TTLL5: variants seen among roughly 807,000 people sequenced by gnomAD.
The protein encoded by TTLL5 is tubulin tyrosine ligase like 5, also known as tubulin polyglutamylase TTLL5.
In TTLL5, 132 loss-of-function variants were observed where a neutral mutation model predicts 168.4. The observed-to-expected ratio is 0.78, with a 90% CI of 0.68 to 0.91. The LOEUF (loss-of-function observed/expected upper bound fraction) is 0.91. TTLL5 is among the 40% of genes least tolerant of loss of function. The pLI is 0.00. For missense variants in TTLL5, 1,545 were observed against 1,581.5 expected, an observed-to-expected ratio of 0.98 and a Z score of 0.39; for synonymous variants, 546 against 558.6, an observed-to-expected ratio of 0.98 and a Z score of 0.32.
intron 31 of TTLL5, among the ~76,000 whole-genome samples, chr14:75,940,878 G>GT (rs751266180): frequency 1.3e-5 from 2 of 152,186 alleles, no homozygotes; most frequent in Non-Finnish European, 2.9e-5. Context: ...TCAGAAATGA[G>GT]TTATGTGCAT....
At chr14:75,830,933 A>G (rs1895526422) in intron 28 of TTLL5, among the ~76,000 whole-genome samples, 1 of 152,180 alleles carries the variant, frequency 6.6e-6, no homozygotes, top group Admixed American at 6.5e-5. Flanking sequence ...ATCTATTGGA[A>G]TCATGCTCCT....
intron 29 of TTLL5, among the ~76,000 whole-genome samples, chr14:75,868,014 C>A (rs1240689394): frequency 6.6e-6 from 1 of 152,276 alleles, no homozygotes; most frequent in East Asian, 1.9e-4. Context: ...GCTCTCCATG[C>A]TGGGGTCTGT....
intron 18 of TTLL5, among the ~76,000 whole-genome samples, chr14:75,760,745 C>G (rs564590004): frequency 1.3e-5 from 2 of 151,874 alleles, no homozygotes; most frequent in Non-Finnish European, 2.9e-5. Flanking sequence ...GAACCCCAAC[C>G]GCTGTTTCCC....
Position 75,732,563 on chromosome 14 carries a change from G to T in TTLL5, c.1124+144G>T, listed in dbSNP as rs1594941399. On this transcript the variant is annotated intron_variant, in intron 13 of 31. Coordinates refer to ENST00000298832, the MANE Select transcript of TTLL5 (RefSeq NM_015072.5). ...GAGATAACCAGACTTTCTTAAATCA[G>T]CTGGTTTATGGCATAATATCAAAGT... 6.0e-6 allele frequency: 4 copies of T among 663,380 alleles called. No homozygotes were observed. In the East Asian group the frequency reaches 8.4e-5, roughly 14 times the overall value. 41.1% of individuals were successfully genotyped at this position (663,380 alleles called of 1,614,324 possible). A position where few individuals can be genotyped will look rare whatever the true frequency, so the allele number is the denominator to read the frequency against.
intron 3 of TTLL5, among the ~76,000 whole-genome samples, chr14:75,675,869 A>C (rs1307195649): frequency 6.6e-6 from 1 of 152,190 alleles, no homozygotes; most frequent in African/African-American, 2.4e-5. Flanking sequence ...TGTTGTTATA[A>C]GGTTATTGGT....
intron 1 of TTLL5, among the ~76,000 whole-genome samples, chr14:75,661,860 C>T (rs1438056349): frequency 2.4e-4 from 37 of 151,592 alleles, no homozygotes; most frequent in Non-Finnish European, 1.5e-4. Context: ...TGATCATTAT[C>T]GGGGTCTGTT....
intron 29 of TTLL5, among the ~76,000 whole-genome samples, chr14:75,880,028 T>C (rs1341573576): frequency 6.6e-6 from 1 of 152,182 alleles, no homozygotes; most frequent in East Asian, 1.9e-4. Flanking sequence ...AAATGACATG[T>C]AGTAAAAAGT....
At chr14:75,695,449 T>A (rs1436249358) in intron 6 of TTLL5, among the ~76,000 whole-genome samples, 1 of 152,196 alleles carries the variant, frequency 6.6e-6, no homozygotes, top group African/African-American at 2.4e-5. Flanking sequence ...ATTTGCCTTG[T>A]GATATTTTAT....
intron 28 of TTLL5, among the ~76,000 whole-genome samples, chr14:75,850,404 C>T (rs1335547415): frequency 1.8e-5 from 1 of 56,418 alleles, no homozygotes; most frequent in African/African-American, 6.8e-5. Context: ...GAAACTCCGT[C>T]TCAAAAAAAA....
At chr14:75,807,317 A>T (rs1391596212) in intron 27 of TTLL5, among the ~76,000 whole-genome samples, 1 of 152,098 alleles carries the variant, frequency 6.6e-6, no homozygotes, top group African/African-American at 2.4e-5. Flanking sequence ...GTGCGGTGGC[A>T]CGTGCCTGTA....
At chr14:75,860,448 A>C (rs1897340432) in intron 28 of TTLL5, among the ~76,000 whole-genome samples, 1 of 152,242 alleles carries the variant, frequency 6.6e-6, no homozygotes, top group Non-Finnish European at 1.5e-5. Flanking sequence ...TAAATACTGT[A>C]AAATCTAATC....
chr14:75,720,755 T>C (rs760308437), intron 12 of TTLL5, 52 bp downstream of exon 12: 24 of 1,482,394 alleles, frequency 1.6e-5, no homozygotes, highest in Non-Finnish European at 2.2e-5. Context: ...TCTTGGGAAG[T>C]TGGACGGGAT....
intron 31 of TTLL5, among the ~76,000 whole-genome samples, chr14:75,931,039 G>A (rs1388458527): frequency 6.6e-6 from 1 of 152,060 alleles, no homozygotes; most frequent in Admixed American, 6.5e-5. Flanking sequence ...ATCTGCTCCC[G>A]TAGTTTCAGC....
intron 27 of TTLL5, among the ~76,000 whole-genome samples, chr14:75,802,993 A>G (rs992976884): frequency 6.6e-6 from 1 of 152,214 alleles, no homozygotes; most frequent in African/African-American, 2.4e-5. Context: ...ATGTCACAGG[A>G]TGGAGAGTCA....
chr14:75,757,008 C>T (rs138939286), intron 18 of TTLL5, among the ~76,000 whole-genome samples: 1,825 of 151,708 alleles, frequency 0.012, 34 homozygotes, highest in African/African-American at 0.042. Context: ...AGAGGAGTCT[C>T]GCTCTGTTGC....
intron 27 of TTLL5, among the ~76,000 whole-genome samples, chr14:75,796,235 G>A (rs755045349): frequency 6.6e-6 from 1 of 152,048 alleles, no homozygotes; most frequent in Non-Finnish European, 1.5e-5. Context: ...ATCTTCTTTT[G>A]AGAATTGTCT....
chr14:75,804,194 C>T (rs954315443), intron 27 of TTLL5, among the ~76,000 whole-genome samples: 1 of 152,122 alleles, frequency 6.6e-6, no homozygotes, highest in Non-Finnish European at 1.5e-5. Context: ...AAAAAAAAAT[C>T]CATTCTATTT....
intron 31 of TTLL5, among the ~76,000 whole-genome samples, chr14:75,907,663 G>C (rs889779979): frequency 1.3e-5 from 2 of 152,220 alleles, no homozygotes; most frequent in African/African-American, 4.8e-5. Context: ...TGAGAAGAGA[G>C]AAGGGAACAC....
intron 28 of TTLL5, among the ~76,000 whole-genome samples, chr14:75,820,989 C>T (rs1400269059): frequency 2.0e-5 from 3 of 152,126 alleles, no homozygotes; most frequent in Non-Finnish European, 2.9e-5. Flanking sequence ...CACAGGTGCC[C>T]GACCAAGCCC....
Sources: allele counts gnomAD v4.1 joint callset (sites outside exome capture counted in the v4.1 genomes callset), GRCh38; gene constraint gnomAD v4.1.1; transcripts MANE v1.5; gene names NCBI Gene and HGNC (gene_info 2026-07-23, HGNC 2026-07-21).